Variants in ATP6V1G1 observed in about 807,000 individuals in gnomAD.
The protein encoded by ATP6V1G1 is ATPase H+ transporting V1 subunit G1, also known as V-type proton ATPase subunit G 1.
ATP6V1G1 carries 14 observed loss-of-function variants against 14.2 expected under a neutral mutation model. The observed-to-expected ratio is 0.99, with a 90% confidence interval of 0.65 to 1.55. The LOEUF is 1.55. Among genes scored for constraint, ATP6V1G1 ranks in the 40% most tolerant of loss-of-function variants. The pLI, the probability that ATP6V1G1 is intolerant of heterozygous loss-of-function variation, is 0.00. For missense variants in ATP6V1G1, 137 were observed against 146.4 expected (o/e 0.94, Z 0.33); for synonymous variants, 65 against 53.3 (o/e 1.22, Z -0.96).
chr9:114,587,804 A>T lies in ATP6V1G1; in HGVS notation c.-35A>T, dbSNP rs1384529764. On this transcript the variant is annotated 5_prime_UTR_variant, in exon 1 of 3. Coordinates refer to ENST00000374050, the MANE Select transcript of ATP6V1G1 (RefSeq NM_004888.4). The stretch of plus-strand genomic sequence containing the variant: ...ACCCAAGGGGCCTTCGAGGTGCCTT[A>T]GGCCGCTTGCCTTGCTCTCAGAATC... 6.4e-7 allele frequency: 1 copy of T among 1,562,480 alleles called. No individual in the cohort carries two copies. The highest frequency in any genetic ancestry group is 2.4e-5 in the East Asian group (1 of 42,186).
chr9:114,589,358 G>T (rs560348691), intron 1 of ATP6V1G1, among the ~76,000 whole-genome samples: 2 of 152,314 alleles, frequency 1.3e-5, no homozygotes, highest in Non-Finnish European at 2.9e-5. Flanking sequence ...TAAAAATGAG[G>T]CTCAGAGAGA....
rs148210026 is a variant in ATP6V1G1, at chr9:114,590,831, T to G, written c.83-1721T>G. On this transcript the variant is annotated intron_variant, in intron 1 of 2. Transcript: ENST00000374050. ...TTTTTTGAGATGGATTCTCGCTCTG[T>G]CGCCCCCAGGCAGGAGGGCAGTGGC... Among the ~76,000 whole-genome samples the G allele has an allele frequency of 1.1e-3, 169 of 152,328 alleles. 3 individuals carry two copies. The highest frequency in any genetic ancestry group is 1.6e-3 in the Non-Finnish European group (111 of 68,042).
intron 2 of ATP6V1G1, among the ~76,000 whole-genome samples, chr9:114,593,719 G>A (rs948824307): frequency 1.3e-5 from 2 of 151,572 alleles, no homozygotes; most frequent in African/African-American, 2.4e-5. Context: ...GGCTGGTCTC[G>A]AACTCCTGGC....
At chr9:114,594,173 G>A (rs1195860177) in intron 2 of ATP6V1G1, among the ~76,000 whole-genome samples, 2 of 151,134 alleles carry the variant, frequency 1.3e-5, no homozygotes, top group African/African-American at 2.4e-5. Context: ...AGGTTCTAGC[G>A]ATTCTTCCAC....
chr9:114,596,775 T>G (rs2133560907), intron 2 of ATP6V1G1, among the ~76,000 whole-genome samples: 1 of 152,184 alleles, frequency 6.6e-6, no homozygotes, highest in Non-Finnish European at 1.5e-5. Flanking sequence ...TATTATTATT[T>G]AGGAGTTTTT....
intron 1 of ATP6V1G1, among the ~76,000 whole-genome samples, chr9:114,588,461 G>C (rs976014623): frequency 1.3e-5 from 2 of 151,642 alleles, no homozygotes; most frequent in Non-Finnish European, 2.9e-5. Context: ...GTGTGTTTCT[G>C]ATATGTGGCA....
Position 114,597,994 on chromosome 9 carries a change from A to G in ATP6V1G1, c.*251A>G, listed in dbSNP as rs562082616. 13 of 248,396 alleles carry G rather than the reference A, an allele frequency of 5.2e-5. No individual in the cohort carries two copies. The highest frequency in any genetic ancestry group is 1.1e-4 in the African/African-American group (5 of 44,294). The allele number at this position is 248,396 out of a possible 1,614,324, so 15.4% of individuals were successfully genotyped here. On this transcript the variant is annotated 3_prime_UTR_variant, in exon 3 of 3. Transcript: ENST00000374050. ...TGGTTATATGTTGTCTTTTTTTCCT[A>G]TGTCTTTTGGCTCAAGCAACATGTA...
intron 1 of ATP6V1G1, among the ~76,000 whole-genome samples, chr9:114,588,272 G>A (rs34987418): frequency 6.7e-4 from 102 of 152,128 alleles, no homozygotes; most frequent in South Asian, 1.5e-3. Context: ...CATCCACACA[G>A]TTGCTTGGTC....
At chr9:114,594,181 C>T (rs1845211411) in intron 2 of ATP6V1G1, among the ~76,000 whole-genome samples, 1 of 151,356 alleles carries the variant, frequency 6.6e-6, no homozygotes, top group South Asian at 2.1e-4. Flanking sequence ...GCGATTCTTC[C>T]ACCTCAACCT....
intron 2 of ATP6V1G1, among the ~76,000 whole-genome samples, chr9:114,596,387 CA>C (rs534296519): frequency 0.11 from 8,955 of 80,272 alleles, 363 homozygotes; most frequent in East Asian, 0.32. Flanking sequence ...GACTCCAACT[CA>C]AAAAAAAAAA....
chr9:114,596,375 G>A (rs1289666424), intron 2 of ATP6V1G1, among the ~76,000 whole-genome samples: 4 of 141,640 alleles, frequency 2.8e-5, no homozygotes, highest in Admixed American at 7.3e-5. Flanking sequence ...ACGACAGAGC[G>A]AGACTCCAAC....
chr9:114,588,196 G>C (rs746060015), intron 1 of ATP6V1G1: 3 of 471,492 alleles, frequency 6.4e-6, no homozygotes, highest in Non-Finnish European at 1.1e-5. Flanking sequence ...TCCAAACGGA[G>C]CTCTTTGTTC....
intron 2 of ATP6V1G1, among the ~76,000 whole-genome samples, chr9:114,592,890 C>T (rs921103906): frequency 2.6e-5 from 4 of 152,178 alleles, no homozygotes; most frequent in South Asian, 2.1e-4. Flanking sequence ...AGTTAACATG[C>T]GCCAGGTACT....
chr9:114,593,823 AC>A lies in ATP6V1G1; in HGVS notation c.183+1172del, dbSNP rs1471195900. 1.2e-4 allele frequency among the ~76,000 whole-genome samples: 19 copies of A among 152,064 alleles called. No individual in the cohort carries two copies. The South Asian group carries it at 3.9e-3, about 32-fold the overall frequency. On this transcript the variant is annotated intron_variant, in intron 2 of 2. Coordinates refer to ENST00000374050, the MANE Select transcript of ATP6V1G1 (RefSeq NM_004888.4). ...CATTAAAACGTGGCTGGGCATAGTG[AC>A]TCACACCTGTAATCCCAATACTTTG...
chr9:114,594,735 G>T (rs1845218088), intron 2 of ATP6V1G1, among the ~76,000 whole-genome samples: 1 of 152,016 alleles, frequency 6.6e-6, no homozygotes, highest in Non-Finnish European at 1.5e-5. Flanking sequence ...GGCCTAGGAG[G>T]TCCCAATGAC....
intron 1 of ATP6V1G1, 131 bp downstream of exon 1, chr9:114,588,051 T>A: frequency 9.8e-7 from 1 of 1,019,350 alleles, no homozygotes; most frequent in Non-Finnish European, 1.4e-6. Context: ...AGGTTGTGTG[T>A]TTCGAAGCTT....
Position 114,597,829 on chromosome 9 carries a change from G to T in ATP6V1G1, c.*86G>T. 8.2e-7 allele frequency: 1 copy of T among 1,219,100 alleles called. No homozygotes were observed. 75.5% of individuals were successfully genotyped at this position (1,219,100 alleles called of 1,614,324 possible). A position where few individuals can be genotyped will look rare whatever the true frequency, so the allele number is the denominator to read the frequency against. On this transcript the variant is annotated 3_prime_UTR_variant, in exon 3 of 3. Coordinates refer to ENST00000374050, the MANE Select transcript of ATP6V1G1 (RefSeq NM_004888.4). ...AGCACAGCTCTAGTTACATTCTTATGATATGGCATTAAATTATTTCCATAT... is the reference window on the plus strand; with the variant it reads ...AGCACAGCTCTAGTTACATTCTTATTATATGGCATTAAATTATTTCCATAT...
chr9:114,594,679 G>T (rs902937267), intron 2 of ATP6V1G1, among the ~76,000 whole-genome samples: 4 of 151,968 alleles, frequency 2.6e-5, no homozygotes, highest in African/African-American at 9.7e-5. Flanking sequence ...CACCACGCCT[G>T]GCCCATCTTC....
In ATP6V1G1 at chr9:114,592,418, C is replaced by G. The variant is rs1177352127; in HGVS notation, c.83-134C>G. The G allele has an allele frequency of 1.4e-5, 12 of 861,538 alleles. No homozygotes were observed. In the East Asian group the frequency reaches 3.3e-4, roughly 24 times the overall value. 53.4% of individuals were successfully genotyped at this position (861,538 alleles called of 1,614,324 possible). ...TGTACTGTTTGTTAGCTCTGAATTC[C>G]CTCTTTCCCATGCACATCTCTTCGG... On this transcript the variant is annotated intron_variant, in intron 1 of 2. Coordinates refer to ENST00000374050, the MANE Select transcript of ATP6V1G1 (RefSeq NM_004888.4).
Sources: gnomAD v4.1 joint callset for allele counts (sites outside exome capture counted in the v4.1 genomes callset) on GRCh38, gnomAD v4.1.1 for gene constraint, MANE v1.5 for transcripts, NCBI Gene and HGNC (gene_info 2026-07-23, HGNC 2026-07-21) for gene names.